Variants in GABBR2 observed in about 807,000 individuals in gnomAD.
GABBR2 encodes the protein gamma-aminobutyric acid type B receptor subunit 2, also known as G-protein coupled receptor 51.
In GABBR2, 23 loss-of-function variants were observed where a neutral mutation model predicts 105.6. That is an observed-to-expected ratio of 0.22 (90% CI 0.16 to 0.31). The LOEUF (loss-of-function observed/expected upper bound fraction) is 0.31, where lower values mean the gene tolerates loss of function less well. Among genes scored for constraint, GABBR2 ranks in the 10% least tolerant of loss-of-function variants. The pLI is 1.00. For missense variants in GABBR2, 734 were observed against 1,245.5 expected, an observed-to-expected ratio of 0.59 and a Z score of 6.18; for synonymous variants, 478 against 499.7, an observed-to-expected ratio of 0.96 and a Z score of 0.58.
intron 1 of GABBR2, among the ~76,000 whole-genome samples, chr9:98,663,626 A>AT (rs1359997762): frequency 1.3e-5 from 2 of 150,296 alleles, no homozygotes; most frequent in Admixed American, 1.3e-4. Context: ...TCAAAAATGA[A>AT]TGATCAGGAG....
At chr9:98,391,493 G>C (rs1020579326) in intron 9 of GABBR2, among the ~76,000 whole-genome samples, 3 of 152,202 alleles carry the variant, frequency 2.0e-5, no homozygotes, top group African/African-American at 7.2e-5. Flanking sequence ...GATAACATCA[G>C]ACAGGAGGCC....
At chr9:98,321,648 A>G (rs1830824441) in intron 13 of GABBR2, among the ~76,000 whole-genome samples, 1 of 152,100 alleles carries the variant, frequency 6.6e-6, no homozygotes, top group Admixed American at 6.5e-5. Flanking sequence ...CGATGGGGAG[A>G]ATGATGACAG....
intron 3 of GABBR2, among the ~76,000 whole-genome samples, chr9:98,531,424 G>T (rs567404188): frequency 4.6e-5 from 7 of 152,222 alleles, no homozygotes; most frequent in Non-Finnish European, 1.0e-4. Context: ...CATCTGTCCC[G>T]AGGGCAGGAG....
intron 7 of GABBR2, among the ~76,000 whole-genome samples, chr9:98,414,974 A>G (rs1463513022): frequency 6.6e-6 from 1 of 152,220 alleles, no homozygotes; most frequent in African/African-American, 2.4e-5. Context: ...TGGACTTTAT[A>G]TAAGAGATAA....
chr9:98,509,667 T>C (rs1352770868), intron 3 of GABBR2, among the ~76,000 whole-genome samples: 3 of 152,046 alleles, frequency 2.0e-5, no homozygotes, highest in Non-Finnish European at 4.4e-5. Flanking sequence ...AGAAAGGGTA[T>C]CAGGGATGGA....
chr9:98,687,051 A>G (rs553528470), intron 1 of GABBR2, among the ~76,000 whole-genome samples: 2 of 152,050 alleles, frequency 1.3e-5, no homozygotes, highest in African/African-American at 4.8e-5. Flanking sequence ...CAACCCACAG[A>G]CTTCCTTGTC....
chr9:98,350,565 T>C (rs879888603), intron 13 of GABBR2, among the ~76,000 whole-genome samples: 5 of 152,196 alleles, frequency 3.3e-5, no homozygotes, highest in African/African-American at 1.2e-4. Context: ...CCTTTTGTTA[T>C]TGATTTCTAA....
intron 16 of GABBR2, among the ~76,000 whole-genome samples, chr9:98,302,577 C>G (rs966210096): frequency 2.0e-5 from 3 of 152,198 alleles, no homozygotes; most frequent in African/African-American, 4.8e-5. Flanking sequence ...TTCCTGTCCC[C>G]CTCCCTAATC....
At chr9:98,384,920 T>G (rs951888132) in intron 11 of GABBR2, among the ~76,000 whole-genome samples, 1 of 152,212 alleles carries the variant, frequency 6.6e-6, no homozygotes, top group Non-Finnish European at 1.5e-5. Context: ...AAAATGCTCC[T>G]TAGGGGAACA....
intron 3 of GABBR2, among the ~76,000 whole-genome samples, chr9:98,499,134 T>C (rs1252072851): frequency 1.3e-5 from 2 of 152,252 alleles, no homozygotes; most frequent in African/African-American, 4.8e-5. Flanking sequence ...TCTAAAGTTC[T>C]ACACACCACT....
chr9:98,360,931 T>C (rs1230749811), intron 13 of GABBR2, among the ~76,000 whole-genome samples: 1 of 152,162 alleles, frequency 6.6e-6, no homozygotes, highest in Non-Finnish European at 1.5e-5. Context: ...GGCTCCACAC[T>C]GAGCCACTGT....
intron 13 of GABBR2, among the ~76,000 whole-genome samples, chr9:98,339,095 A>G (rs10985906): frequency 0.037 from 5,683 of 152,174 alleles, 368 homozygotes; most frequent in East Asian, 0.28. Flanking sequence ...CTGAAAATAG[A>G]TGAGTGGTTG....
intron 11 of GABBR2, among the ~76,000 whole-genome samples, chr9:98,375,713 C>G (rs925702492): frequency 2.0e-5 from 3 of 151,984 alleles, no homozygotes; most frequent in Non-Finnish European, 2.9e-5. Flanking sequence ...CTCCCCATCA[C>G]TCCACATATT....
chr9:98,390,267 G>A (rs1350489334), intron 9 of GABBR2, among the ~76,000 whole-genome samples: 7 of 151,096 alleles, frequency 4.6e-5, no homozygotes, highest in South Asian at 2.1e-4. Context: ...CCAGATACTC[G>A]GGAGACTGAG....
At chr9:98,586,811 G>T (rs1829084113) in intron 1 of GABBR2, among the ~76,000 whole-genome samples, 1 of 152,210 alleles carries the variant, frequency 6.6e-6, no homozygotes, top group South Asian at 2.1e-4. Context: ...ATATGCCATT[G>T]TGTGAATATG....
chr9:98,318,706 C>G (rs1830764402), intron 13 of GABBR2, among the ~76,000 whole-genome samples: 1 of 152,212 alleles, frequency 6.6e-6, no homozygotes, highest in East Asian at 1.9e-4. Context: ...GCCAGTGCTC[C>G]TTTGAGGGAG....
chr9:98,306,022 A>C lies in GABBR2; in HGVS notation c.2229+99T>G. 1 of 762,976 alleles carries C rather than the reference A, an allele frequency of 1.3e-6. No homozygotes were observed. Among genetic ancestry groups the C allele is most frequent in the Non-Finnish European group, 2.1e-6 (1 of 465,554 alleles). The allele number at this position is 762,976 out of a possible 1,614,324, so 47.3% of individuals were successfully genotyped here. On this transcript the variant is annotated intron_variant, in intron 15 of 18. Coordinates refer to ENST00000259455, the MANE Select transcript of GABBR2 (RefSeq NM_005458.8). The surrounding 1 kb of genome is among the most constrained non-coding windows in gnomAD (Gnocchi z 5.4). The stretch of plus-strand genomic sequence containing the variant: ...GAATTGTCTTCATCATAAAAAAAAA[A>C]AGGAATGGGTAAACCTTTTAGAGAA...
intron 11 of GABBR2, among the ~76,000 whole-genome samples, chr9:98,376,603 G>C (rs1831878103): frequency 6.6e-6 from 1 of 152,150 alleles, no homozygotes; most frequent in Admixed American, 6.5e-5. Flanking sequence ...GAGGCCTGAG[G>C]TCTCCAGGGC....
intron 1 of GABBR2, among the ~76,000 whole-genome samples, chr9:98,641,179 G>C (rs1309243034): frequency 6.6e-6 from 1 of 150,376 alleles, no homozygotes; most frequent in Non-Finnish European, 1.5e-5. Context: ...TGTTGCCCAG[G>C]CTGGAGTGCA....
Sources: gnomAD v4.1 joint callset for allele counts (sites outside exome capture counted in the v4.1 genomes callset) on GRCh38, gnomAD v4.1.1 for gene constraint, Gnocchi (gnomAD v3.1) non-coding constraint, MANE v1.5 for transcripts, NCBI Gene and HGNC (gene_info 2026-07-23, HGNC 2026-07-21) for gene names.